Variants in ADGRB3 observed in about 807,000 individuals in gnomAD.
ADGRB3 encodes brain-specific angiogenesis inhibitor 3.
ADGRB3 carries 37 observed loss-of-function variants against 193.4 expected under a neutral mutation model. The observed-to-expected ratio is 0.19, with a 90% CI of 0.15 to 0.25. The LOEUF is 0.25. Ranked by LOEUF, ADGRB3 falls within the 10% of genes least tolerant of loss-of-function variation. ADGRB3 has a pLI of 1.00. For missense variants in ADGRB3, 1,637 were observed against 1,852.9 expected (o/e 0.88, Z 2.14); for synonymous variants, 690 against 644.2 (o/e 1.07, Z -1.08).
chr6:69,093,151 C>T (rs1471686063), intron 17 of ADGRB3, among the ~76,000 whole-genome samples: 2 of 150,870 alleles, frequency 1.3e-5, no homozygotes, highest in Admixed American at 6.6e-5. Flanking sequence ...TGGAAGCCTA[C>T]GTTCAGGGGT....
intron 29 of ADGRB3, among the ~76,000 whole-genome samples, chr6:69,361,863 A>G (rs1769462183): frequency 6.6e-6 from 1 of 151,888 alleles, no homozygotes; most frequent in Admixed American, 6.6e-5. Context: ...GATTCTTCTG[A>G]TGTTTCTCAG....
chr6:68,784,627 C>T (rs1328744131), intron 3 of ADGRB3, among the ~76,000 whole-genome samples: 1 of 152,048 alleles, frequency 6.6e-6, no homozygotes, highest in African/African-American at 2.4e-5. Context: ...TAAAAAGCTG[C>T]TGAATATTTT....
At chr6:69,102,356 A>G (rs893558028) in intron 17 of ADGRB3, among the ~76,000 whole-genome samples, 3 of 152,192 alleles carry the variant, frequency 2.0e-5, no homozygotes, top group African/African-American at 7.2e-5. Flanking sequence ...GTAAGTCAGT[A>G]TGGTGAGTAC....
intron 3 of ADGRB3, among the ~76,000 whole-genome samples, chr6:68,727,024 A>G (rs1040213666): frequency 1.3e-5 from 2 of 151,566 alleles, no homozygotes; most frequent in African/African-American, 4.8e-5. Flanking sequence ...ACCTTTAATC[A>G]GAAATGCTCT....
At chr6:69,031,283 A>G (rs1001391207) in intron 13 of ADGRB3, among the ~76,000 whole-genome samples, 1 of 151,440 alleles carries the variant, frequency 6.6e-6, no homozygotes, top group Non-Finnish European at 1.5e-5. Flanking sequence ...TACTAAAAAT[A>G]CAAAAATTTA....
At chr6:68,854,009 G>T (rs1334347674) in intron 3 of ADGRB3, among the ~76,000 whole-genome samples, 1 of 152,122 alleles carries the variant, frequency 6.6e-6, no homozygotes, top group Non-Finnish European at 1.5e-5. Flanking sequence ...TGCACTGCCT[G>T]CTCATTTCTT....
intron 3 of ADGRB3, among the ~76,000 whole-genome samples, chr6:68,908,019 T>G (rs1414654997): frequency 6.6e-6 from 1 of 151,996 alleles, no homozygotes; most frequent in African/African-American, 2.4e-5. Context: ...TCCTGTTTCT[T>G]GCATTACCTT....
chr6:68,870,230 G>A (rs927077499), intron 3 of ADGRB3, among the ~76,000 whole-genome samples: 1 of 152,160 alleles, frequency 6.6e-6, no homozygotes, highest in African/African-American at 2.4e-5. Flanking sequence ...GGATATTATA[G>A]ATGAGTAATA....
intron 17 of ADGRB3, among the ~76,000 whole-genome samples, chr6:69,115,157 G>A (rs1773493661): frequency 6.6e-6 from 1 of 152,134 alleles, no homozygotes; most frequent in Non-Finnish European, 1.5e-5. Flanking sequence ...TATGTTTATT[G>A]CAACACTATT....
At chr6:68,768,095 T>C (rs142008773) in intron 3 of ADGRB3, among the ~76,000 whole-genome samples, 2,313 of 152,146 alleles carry the variant, frequency 0.015, 27 homozygotes, top group Non-Finnish European at 0.024. Flanking sequence ...GAATCAATGT[T>C]GTGAAAGTGG....
chr6:68,970,293 T>TA (rs1768520647), intron 8 of ADGRB3, among the ~76,000 whole-genome samples: 1 of 151,434 alleles, frequency 6.6e-6, no homozygotes, highest in Non-Finnish European at 1.5e-5. Flanking sequence ...CTTCTTTCTT[T>TA]TTTTTTTTTT....
intron 3 of ADGRB3, among the ~76,000 whole-genome samples, chr6:68,730,931 C>G (rs986605457): frequency 6.6e-6 from 1 of 151,536 alleles, no homozygotes; most frequent in Non-Finnish European, 1.5e-5. Flanking sequence ...ATATCAAACA[C>G]TGGCTTTCAG....
chr6:69,297,368 T>TCTG (rs1767846054), intron 20 of ADGRB3, among the ~76,000 whole-genome samples: 1 of 97,648 alleles, frequency 1.0e-5, no homozygotes, highest in Non-Finnish European at 2.0e-5. Flanking sequence ...CTCTCTCTCT[T>TCTG]TCTCTCTCTC....
At chr6:68,843,828 T>C (rs796871370) in intron 3 of ADGRB3, among the ~76,000 whole-genome samples, 42 of 152,188 alleles carry the variant, frequency 2.8e-4, no homozygotes, top group African/African-American at 9.9e-4. Flanking sequence ...AACAGACACA[T>C]AGACCAATAG....
chr6:68,778,259 C>A (rs1048266701), intron 3 of ADGRB3, among the ~76,000 whole-genome samples: 2 of 152,018 alleles, frequency 1.3e-5, no homozygotes, highest in African/African-American at 4.8e-5. Flanking sequence ...ATGGTGAAGG[C>A]TGCTATAAGT....
chr6:68,848,010 C>T (rs948541472), intron 3 of ADGRB3, among the ~76,000 whole-genome samples: 4 of 150,778 alleles, frequency 2.7e-5, no homozygotes, highest in African/African-American at 4.9e-5. Flanking sequence ...TAAAAAAAGA[C>T]GTCAACATAA....
chr6:68,785,820 T>A lies in ADGRB3; in HGVS notation c.758-144739T>A, dbSNP rs368623350. Among the ~76,000 whole-genome samples, 47 of 152,274 alleles carry A rather than the reference T, an allele frequency of 3.1e-4. No individual in the cohort carries two copies. The East Asian group carries it at 6.9e-3, about 23-fold the overall frequency. ...TCTCTACATCCTCTCCAGCACCTGT[T>A]GTTTCCTGACTTTTTAATGATCGCC... On this transcript the variant is annotated intron_variant, in intron 3 of 31. Transcript: ENST00000370598.
At chr6:68,772,887 AAAAAAAAATATATATATAT>A (rs1766654502) in intron 3 of ADGRB3, among the ~76,000 whole-genome samples, 4 of 48,292 alleles carry the variant, frequency 8.3e-5, no homozygotes, top group East Asian at 1.3e-3. Context: ...ACAAACAAAA[AAAAAAAAATATATATATAT>A]ATATATATAT....
intron 8 of ADGRB3, among the ~76,000 whole-genome samples, chr6:68,961,848 T>C (rs1393414058): frequency 6.6e-6 from 1 of 152,226 alleles, no homozygotes; most frequent in Non-Finnish European, 1.5e-5. Context: ...TATTATTTAA[T>C]TAAGCACAAA....
Sources: allele counts gnomAD v4.1 joint callset (sites outside exome capture counted in the v4.1 genomes callset), GRCh38; gene constraint gnomAD v4.1.1; transcripts MANE v1.5; gene names NCBI Gene and HGNC (gene_info 2026-07-23, HGNC 2026-07-21).